DPP10: variants seen among roughly 807,000 people sequenced by gnomAD.
DPP10 encodes the protein dipeptidyl peptidase like 10.
DPP10 carries 33 observed loss-of-function variants against 120.9 expected under a neutral mutation model. The ratio of observed to expected loss-of-function variants is 0.27; its 90% CI spans 0.21 to 0.37. The LOEUF (loss-of-function observed/expected upper bound fraction) is 0.37. Ranked by LOEUF, DPP10 falls within the 10% of genes least tolerant of loss-of-function variation. The probability of loss-of-function intolerance (pLI) is 1.00; values close to 1 mark genes in which losing one functional copy is unlikely to be tolerated. For synonymous variants in DPP10, 337 were observed against 326.1 expected (o/e 1.03, Z -0.36); for missense variants, 816 against 942.8 (o/e 0.87, Z 1.76).
chr2:115,627,138 G>A (rs2085429252), intron 5 of DPP10, among the ~76,000 whole-genome samples: 1 of 152,066 alleles, frequency 6.6e-6, no homozygotes, highest in Non-Finnish European at 1.5e-5. Flanking sequence ...AGAGTACATA[G>A]TAATACAAGA....
chr2:115,494,743 A>C (rs1288010156), intron 3 of DPP10, among the ~76,000 whole-genome samples: 1 of 152,114 alleles, frequency 6.6e-6, no homozygotes, highest in Non-Finnish European at 1.5e-5. Context: ...AAAACATGGA[A>C]TGCTACAGAA....
At chr2:114,669,436 T>G (rs964985290) in intron 1 of DPP10, among the ~76,000 whole-genome samples, 50 of 152,218 alleles carry the variant, frequency 3.3e-4, no homozygotes, top group Middle Eastern at 3.4e-3. Context: ...AATGGGGCCT[T>G]TGGTACTGTG....
intron 3 of DPP10, chr2:115,440,811 C>G (rs1307228117): frequency 1.3e-5 from 2 of 150,824 alleles, no homozygotes; most frequent in Non-Finnish European, 2.9e-5. Flanking sequence ...GGGAGTATGC[C>G]GGACAGGAAC....
intron 1 of DPP10, among the ~76,000 whole-genome samples, chr2:114,693,103 A>C (rs1699866401): frequency 6.6e-6 from 1 of 151,990 alleles, no homozygotes; most frequent in Admixed American, 6.6e-5. Context: ...GTTATGGGTG[A>C]ATTTGATCCT....
chr2:114,699,174 G>C (rs892259810), intron 1 of DPP10, among the ~76,000 whole-genome samples: 1 of 152,082 alleles, frequency 6.6e-6, no homozygotes, highest in Non-Finnish European at 1.5e-5. Flanking sequence ...TCTTGCAGAC[G>C]TAAACTCAGA....
At chr2:115,678,987 T>G (rs1452768964) in intron 5 of DPP10, among the ~76,000 whole-genome samples, 1 of 152,228 alleles carries the variant, frequency 6.6e-6, no homozygotes, top group Admixed American at 6.5e-5. Flanking sequence ...TTGAAATAGT[T>G]GTATTTACCC....
chr2:114,788,590 T>C (rs1031517528), intron 1 of DPP10, among the ~76,000 whole-genome samples: 3 of 152,062 alleles, frequency 2.0e-5, no homozygotes, highest in Non-Finnish European at 4.4e-5. Flanking sequence ...TAATTTTTTT[T>C]GTATTTTTAG....
At chr2:115,749,935 G>A in intron 10 of DPP10, 1 of 967,022 alleles carries the variant, frequency 1.0e-6, no homozygotes, top group Non-Finnish European at 1.2e-6. Flanking sequence ...CCAGCTGATA[G>A]AAAGTCTGTT....
At chr2:115,651,739 A>G (rs2087796355) in intron 5 of DPP10, among the ~76,000 whole-genome samples, 1 of 152,058 alleles carries the variant, frequency 6.6e-6, no homozygotes, top group Non-Finnish European at 1.5e-5. Flanking sequence ...CATATTCTCT[A>G]GCTTCCGTTT....
intron 1 of DPP10, among the ~76,000 whole-genome samples, chr2:114,716,768 G>A (rs796804523): frequency 2.0e-5 from 3 of 152,226 alleles, no homozygotes; most frequent in African/African-American, 4.8e-5. Flanking sequence ...AAAGAGAATG[G>A]GTTAAAGTGG....
chr2:115,092,830 T>C (rs776270811), intron 1 of DPP10, among the ~76,000 whole-genome samples: 2 of 152,298 alleles, frequency 1.3e-5, no homozygotes, highest in Non-Finnish European at 2.9e-5. Context: ...TAACTCATAA[T>C]GTGCTATGTT....
At chr2:115,669,559 CTTTA>C (rs2089714268) in intron 5 of DPP10, among the ~76,000 whole-genome samples, 1 of 152,062 alleles carries the variant, frequency 6.6e-6, no homozygotes, top group African/African-American at 2.4e-5. Context: ...TAATACATAT[CTTTA>C]TTTATTTTTC....
rs576627213 is a variant in DPP10, at chr2:115,560,060, G to A, written c.441+34088G>A. Among the ~76,000 whole-genome samples the A allele has an allele frequency of 4.0e-5, 6 of 151,786 alleles. No individual in the cohort carries two copies. In the East Asian group the frequency reaches 9.8e-4, roughly 25 times the overall value. ...TCTCTCTCTAAGACTTGAGGTCGCC[G>A]TTCAAAGAACTAACTGCTGTCAAAG... is the stretch of plus-strand genomic sequence containing the variant. On this transcript the variant is annotated intron_variant, in intron 5 of 25. Transcript: ENST00000410059.
At chr2:115,373,292 G>A (rs2065548542) in intron 3 of DPP10, among the ~76,000 whole-genome samples, 1 of 152,184 alleles carries the variant, frequency 6.6e-6, no homozygotes, top group African/African-American at 2.4e-5. Context: ...CTTCAGACGA[G>A]AACATAGATG....
rs1292098542 is a variant in DPP10 at position 115,432,671 on chromosome 2, G to T, written c.272-66839G>T. On this transcript the variant is annotated intron_variant, in intron 3 of 25. Coordinates refer to ENST00000410059, the MANE Select transcript of DPP10 (RefSeq NM_020868.6). Reference sequence around the variant, plus strand: ...GCCATAGGCAATTTTGTGTGTGTGTGTGTGTGTGTGTGTGTGTGTGTGTGT... The same window carrying T: ...GCCATAGGCAATTTTGTGTGTGTGTTTGTGTGTGTGTGTGTGTGTGTGTGT... Among the ~76,000 whole-genome samples the T allele has an allele frequency of 1.8e-3, 270 of 147,868 alleles. 3 individuals are homozygous for T. Among genetic ancestry groups the T allele is most frequent in the South Asian group, 4.0e-3 (19 of 4,736 alleles).
intron 2 of DPP10, among the ~76,000 whole-genome samples, chr2:115,325,530 G>T (rs2062309444): frequency 6.6e-6 from 1 of 152,096 alleles, no homozygotes; most frequent in South Asian, 2.1e-4. Flanking sequence ...ACTTAGTGTA[G>T]TGTACTCTAA....
At chr2:115,263,618 T>C (rs1258644566) in intron 1 of DPP10, among the ~76,000 whole-genome samples, 1 of 152,170 alleles carries the variant, frequency 6.6e-6, no homozygotes, top group African/African-American at 2.4e-5. Flanking sequence ...AGGGATACAT[T>C]TGACATATTT....
intron 5 of DPP10, among the ~76,000 whole-genome samples, chr2:115,574,902 C>T (rs922850358): frequency 6.6e-6 from 1 of 152,168 alleles, no homozygotes; most frequent in African/African-American, 2.4e-5. Flanking sequence ...AGTTTGTGGT[C>T]ATCACTGTGT....
intron 1 of DPP10, among the ~76,000 whole-genome samples, chr2:115,280,881 CACTTAA>C (rs1165283319): frequency 2.0e-5 from 3 of 152,246 alleles, no homozygotes; most frequent in Admixed American, 2.0e-4. Flanking sequence ...CTTCCATAGT[CACTTAA>C]ACTTGAGAAT....
Sources: allele counts gnomAD v4.1 joint callset (sites outside exome capture counted in the v4.1 genomes callset), GRCh38; gene constraint gnomAD v4.1.1; transcripts MANE v1.5; gene names NCBI Gene and HGNC (gene_info 2026-07-23, HGNC 2026-07-21).